The following ARHGAP15 variants were observed in gnomAD, a reference collection of about 807,000 sequenced individuals.
ARHGAP15 encodes rho GTPase-activating protein 15.
ARHGAP15 carries 51 observed loss-of-function variants against 63.7 expected under a neutral mutation model. The observed-to-expected ratio is 0.80, with a 90% CI of 0.64 to 1.01. ARHGAP15 has a LOEUF of 1.01. ARHGAP15 is among the 50% of genes least tolerant of loss of function. The pLI is 0.00. For missense variants in ARHGAP15, 560 were observed against 564.6 expected (o/e 0.99, Z 0.08); for synonymous variants, 191 against 193.8 (o/e 0.99, Z 0.12).
intron 6 of ARHGAP15, among the ~76,000 whole-genome samples, chr2:143,259,272 C>G (rs1680593746): frequency 6.6e-6 from 1 of 152,010 alleles, no homozygotes; most frequent in African/African-American, 2.4e-5. Context: ...TGTTATTTGT[C>G]CATCAGAAAA....
chr2:143,194,930 C>T (rs1170289014), intron 2 of ARHGAP15, among the ~76,000 whole-genome samples: 1 of 152,124 alleles, frequency 6.6e-6, no homozygotes, highest in Non-Finnish European at 1.5e-5. Context: ...TTAGCAAACG[C>T]TTCCCTTTGG....
chr2:143,717,257 G>A (rs569668124), intron 13 of ARHGAP15, among the ~76,000 whole-genome samples: 24 of 152,316 alleles, frequency 1.6e-4, no homozygotes, highest in African/African-American at 5.5e-4. Flanking sequence ...AAGTTGTTTG[G>A]GGAGCATTGC....
At chr2:143,667,785 T>A (rs1485721889) in intron 12 of ARHGAP15, among the ~76,000 whole-genome samples, 5 of 151,318 alleles carry the variant, frequency 3.3e-5, no homozygotes, top group African/African-American at 1.2e-4. Context: ...AGCTCAGGAG[T>A]TTGAAACCAG....
At chr2:143,630,855 C>T (rs1321029150) in intron 12 of ARHGAP15, among the ~76,000 whole-genome samples, 2 of 151,906 alleles carry the variant, frequency 1.3e-5, no homozygotes, top group Non-Finnish European at 2.9e-5. Context: ...ATACAATGAA[C>T]TGCATGTTTT....
At chr2:143,761,088 C>G (rs1686745223) in intron 13 of ARHGAP15, among the ~76,000 whole-genome samples, 2 of 152,050 alleles carry the variant, frequency 1.3e-5, no homozygotes, top group Non-Finnish European at 2.9e-5. Context: ...TATAAAAAGG[C>G]CAGTGTAGAT....
intron 6 of ARHGAP15, among the ~76,000 whole-genome samples, chr2:143,397,572 GAAGA>G (rs1687826031): frequency 1.1e-5 from 1 of 92,414 alleles, no homozygotes; most frequent in Non-Finnish European, 2.1e-5. Flanking sequence ...AAAAAACGAA[GAAGA>G]AATAAAATAT....
intron 6 of ARHGAP15, among the ~76,000 whole-genome samples, chr2:143,273,305 A>G (rs531932489): frequency 6.6e-6 from 1 of 152,300 alleles, no homozygotes; most frequent in African/African-American, 2.4e-5. Context: ...TCTAATAGGA[A>G]CTAATACATA....
chr2:143,389,090 TG>T (rs1687426946), intron 6 of ARHGAP15, among the ~76,000 whole-genome samples: 1 of 128,684 alleles, frequency 7.8e-6, no homozygotes, highest in African/African-American at 2.9e-5. Context: ...TTCTATTTTC[TG>T]TTCTTTTACT....
intron 11 of ARHGAP15, among the ~76,000 whole-genome samples, chr2:143,583,833 A>G (rs1697003490): frequency 6.6e-6 from 1 of 152,226 alleles, no homozygotes; most frequent in African/African-American, 2.4e-5. Context: ...TACTAATTTT[A>G]TAGTTCAATG....
intron 6 of ARHGAP15, among the ~76,000 whole-genome samples, chr2:143,265,475 A>G (rs2105031311): frequency 6.6e-6 from 1 of 152,268 alleles, no homozygotes; most frequent in African/African-American, 2.4e-5. Flanking sequence ...ATTGTATTTG[A>G]CATATTTTTA....
At chr2:143,402,615 T>A (rs896613329) in intron 6 of ARHGAP15, among the ~76,000 whole-genome samples, 1 of 151,808 alleles carries the variant, frequency 6.6e-6, no homozygotes, top group Non-Finnish European at 1.5e-5. Context: ...GATGTGAAAC[T>A]GTCCAATCCT....
At chr2:143,239,522 T>G (rs1377950817) in intron 5 of ARHGAP15, among the ~76,000 whole-genome samples, 1 of 152,104 alleles carries the variant, frequency 6.6e-6, no homozygotes. Context: ...TTATAAAAAT[T>G]TTACTTTTAA....
At chr2:143,145,218 G>C (rs1014136424) in intron 1 of ARHGAP15, among the ~76,000 whole-genome samples, 6 of 152,010 alleles carry the variant, frequency 3.9e-5, no homozygotes, top group Non-Finnish European at 8.8e-5. Flanking sequence ...AGTGGAATGG[G>C]GTTTTGTGGA....
intron 6 of ARHGAP15, among the ~76,000 whole-genome samples, chr2:143,408,031 A>ATATATATATATG (rs1558950738): frequency 8.3e-6 from 1 of 120,040 alleles, no homozygotes; most frequent in Non-Finnish European, 1.8e-5. Context: ...ATATATATAT[A>ATATATATATATG]TCCTTTTTCC....
intron 13 of ARHGAP15, among the ~76,000 whole-genome samples, chr2:143,732,465 GAAATA>G (rs1450043050): frequency 2.6e-5 from 4 of 152,248 alleles, no homozygotes; most frequent in African/African-American, 4.8e-5. Context: ...AGGTTAATAT[GAAATA>G]AAATAAGATT....
At chr2:143,414,339 G>A (rs923491290) in intron 6 of ARHGAP15, among the ~76,000 whole-genome samples, 1 of 151,902 alleles carries the variant, frequency 6.6e-6, no homozygotes, top group Admixed American at 6.6e-5. Context: ...TAGCCAAAAA[G>A]AGCGAAAAGA....
intron 8 of ARHGAP15, among the ~76,000 whole-genome samples, chr2:143,450,189 T>C (rs72853748): frequency 0.093 from 13,944 of 149,300 alleles, 853 homozygotes; most frequent in African/African-American, 0.17. Context: ...ATAACCATAA[T>C]TGATTTCCAC....
At chr2:143,656,934 G>GGGGTGTGTGTGTGTGTGTGTGT (rs1484394918) in intron 12 of ARHGAP15, among the ~76,000 whole-genome samples, 49 of 145,030 alleles carry the variant, frequency 3.4e-4, no homozygotes, top group Non-Finnish European at 5.8e-4. Context: ...CAAAGTTTCT[G>GGGGTGTGTGTGTGTGTGTGTGT]GTGTGTGTGT....
intron 6 of ARHGAP15, among the ~76,000 whole-genome samples, chr2:143,269,894 GT>G (rs985998892): frequency 2.0e-5 from 3 of 152,026 alleles, no homozygotes; most frequent in African/African-American, 7.2e-5. Flanking sequence ...TTTTACAGAA[GT>G]TTTCCAAAAT....
Sources: gnomAD v4.1 joint callset for allele counts (sites outside exome capture counted in the v4.1 genomes callset) on GRCh38, gnomAD v4.1.1 for gene constraint, MANE v1.5 for transcripts, NCBI Gene and HGNC (gene_info 2026-07-23, HGNC 2026-07-21) for gene names.